RELCH: variants seen among roughly 807,000 people sequenced by gnomAD.
RELCH encodes the protein RAB11-binding protein RELCH.
In RELCH, 41 loss-of-function variants were observed where a neutral mutation model predicts 150.3. The ratio of observed to expected loss-of-function variants is 0.27; its 90% CI spans 0.21 to 0.35. The LOEUF (loss-of-function observed/expected upper bound fraction) is 0.35. RELCH is among the 10% of genes least tolerant of loss of function. The pLI is 1.00. For missense variants in RELCH, 1,092 were observed against 1,467.8 expected (o/e 0.74, Z 4.18); for synonymous variants, 478 against 531.8 (o/e 0.90, Z 1.39).
chr18:62,238,928 G>T (rs1397384175), intron 10 of RELCH, among the ~76,000 whole-genome samples: 1 of 152,056 alleles, frequency 6.6e-6, no homozygotes, highest in African/African-American at 2.4e-5. Flanking sequence ...TTTTAAAGTA[G>T]TTGGTACCTC....
chr18:62,190,568 C>G (rs1238101803), intron 1 of RELCH, among the ~76,000 whole-genome samples: 1 of 152,054 alleles, frequency 6.6e-6, no homozygotes, highest in African/African-American at 2.4e-5. Flanking sequence ...CAGAGCAAGA[C>G]TCCATCTCAA....
rs181701851 is a variant in RELCH at position 62,187,574 on chromosome 18, T to A, written c.69T>A (p.Asp23Glu). The A allele has an allele frequency of 2.7e-4, 412 of 1,523,278 alleles. No homozygotes were observed. The highest frequency in any genetic ancestry group is 7.6e-4 in the Admixed American group (34 of 45,006). 94.4% of individuals were successfully genotyped at this position (1,523,278 alleles called of 1,614,324 possible). A position where few individuals can be genotyped will look rare whatever the true frequency, so the allele number is the denominator to read the frequency against. ...TGAATCCATTTCTCAGTGATTCGGA[T>A]GAGGACGATGACGAGGTAGCTGCAA... ...GGVNPFLSDS[D>E]EDDDEVAATE... Residue 23 changes from aspartate (D) to glutamate (E), a missense_variant, in exon 1 of 29, where the codon GAT becomes GAA. Coordinates refer to ENST00000644646, the MANE Select transcript of RELCH (RefSeq NM_001346231.2).
chr18:62,297,561 G>C (rs1437417867), intron 27 of RELCH, among the ~76,000 whole-genome samples: 2 of 152,162 alleles, frequency 1.3e-5, no homozygotes, highest in African/African-American at 4.8e-5. Context: ...TGAGACAAGA[G>C]AGTGGGGAAG....
chr18:62,243,033 C>A (rs762431377), intron 10 of RELCH, among the ~76,000 whole-genome samples: 10 of 151,962 alleles, frequency 6.6e-5, no homozygotes, highest in Non-Finnish European at 1.3e-4. Flanking sequence ...ATTATTAGGG[C>A]TTTTCTTGGT....
chr18:62,258,613 A>T lies in RELCH; in HGVS notation c.2139A>T (p.Glu713Asp). Residue 713 changes from glutamate (E) to aspartate (D), a missense_variant, in exon 15 of 29, where the codon GAA becomes GAT. Coordinates refer to ENST00000644646, the MANE Select transcript of RELCH (RefSeq NM_001346231.2). ...CAGCTTACGCTGCGTGGACTACAGA[A>T]CTTGGAAATTTACAGTCTCATCTTA... ...FLPAYAAWTT[E>D]LGNLQSHLIL... The T allele has an allele frequency of 6.3e-7, 1 of 1,599,708 alleles. No individual in the cohort carries two copies. The highest frequency in any genetic ancestry group is 8.5e-7 in the Non-Finnish European group (1 of 1,175,860).
chr18:62,283,472 T>C (rs919149950), intron 25 of RELCH, among the ~76,000 whole-genome samples: 2 of 152,194 alleles, frequency 1.3e-5, no homozygotes, highest in South Asian at 2.1e-4. Context: ...TAGTTTCTAG[T>C]ACATTATTTT....
In RELCH at chr18:62,305,513, T is replaced by C; in HGVS notation, c.3630T>C (p.Asn1210=). The change falls in exon 29 of 29, where the codon AAT becomes AAC. Residue 1210 remains asparagine, a synonymous_variant. Transcript: ENST00000644646. This position sits in a 1 kb window ranked among gnomAD's most constrained non-coding sequence, Gnocchi z 4.0. ...QLTTSGAMLA[N]VFQRKK ...CAACATCAGGTGCCATGTTGGCCAATGTATTTCAGAGAAAGAAGTAGAAGC... is the reference window on the plus strand; with the variant it reads ...CAACATCAGGTGCCATGTTGGCCAACGTATTTCAGAGAAAGAAGTAGAAGC... 4 of 1,608,836 alleles carry C rather than the reference T, an allele frequency of 2.5e-6. No individual in the cohort carries two copies. The highest frequency in any genetic ancestry group is 3.4e-6 in the Non-Finnish European group (4 of 1,177,376).
intron 25 of RELCH, among the ~76,000 whole-genome samples, chr18:62,283,906 T>G (rs1001131458): frequency 2.0e-5 from 3 of 152,144 alleles, no homozygotes; most frequent in Non-Finnish European, 4.4e-5. Context: ...GGGTATTTGA[T>G]ATGTTGTCAT....
chr18:62,300,291 G>A (rs1452927476), intron 28 of RELCH: 1 of 152,104 alleles, frequency 6.6e-6, no homozygotes, highest in Non-Finnish European at 1.5e-5. Context: ...TTCTCCTCAG[G>A]TTTTTACACA....
intron 10 of RELCH, among the ~76,000 whole-genome samples, chr18:62,243,874 A>G (rs2042270917): frequency 6.6e-6 from 1 of 152,054 alleles, no homozygotes; most frequent in Admixed American, 6.6e-5. Context: ...GGGTGTAGTC[A>G]TTCTTCCCTT....
intron 26 of RELCH, among the ~76,000 whole-genome samples, chr18:62,291,022 G>A (rs1398586346): frequency 6.6e-6 from 1 of 152,100 alleles, no homozygotes; most frequent in Admixed American, 6.5e-5. Flanking sequence ...ATGATTTGCA[G>A]GTTAAAGTTC....
chr18:62,283,916 T>C (rs574410133), intron 25 of RELCH, among the ~76,000 whole-genome samples: 16 of 152,228 alleles, frequency 1.1e-4, no homozygotes, highest in Non-Finnish European at 1.6e-4. Context: ...TATGTTGTCA[T>C]GTTAAACGGG....
intron 5 of RELCH, among the ~76,000 whole-genome samples, chr18:62,222,935 G>GAA (rs1233293912): frequency 1.3e-5 from 2 of 151,926 alleles, no homozygotes; most frequent in African/African-American, 4.8e-5. Context: ...TGAACTGAGT[G>GAA]AAGATGAAAA....
chr18:62,287,353 G>A lies in RELCH; in HGVS notation c.3256G>A (p.Val1086Ile). 1 of 1,544,632 alleles carries A rather than the reference G, an allele frequency of 6.5e-7. No individual in the cohort carries two copies. Among genetic ancestry groups the A allele is most frequent in the Non-Finnish European group, 8.9e-7 (1 of 1,118,874 alleles). The change falls in exon 26 of 29, where the codon GTT becomes ATT. Residue 1086 changes from valine (V) to isoleucine (I), a missense_variant and splice_region_variant. Physicochemically the swap from Val to Ile is conservative, Grantham distance 29. This residue lies in a region of RELCH where 707 missense variants were observed against 1,025.4 expected (regional missense o/e 0.69). Transcript: ENST00000644646. ...NAEPRFRDEF[V>I]IPHLHKLALV... ...AACCCTTTTTTTTCTGTTTTCAGTTGTTATACCACATTTGCATAAGTTAGC... is the reference window on the plus strand; with the variant it reads ...AACCCTTTTTTTTCTGTTTTCAGTTATTATACCACATTTGCATAAGTTAGC...
intron 28 of RELCH, among the ~76,000 whole-genome samples, chr18:62,304,259 CT>C (rs2045789485): frequency 6.6e-6 from 1 of 152,176 alleles, no homozygotes; most frequent in Non-Finnish European, 1.5e-5. Flanking sequence ...GAGCCAAATA[CT>C]GAACCTTAGG....
Position 62,258,628 on chromosome 18 carries a change from G to A in RELCH, c.2154G>A (p.Gln718=), listed in dbSNP as rs2043103343. 1.3e-6 allele frequency: 2 copies of A among 1,598,526 alleles called. No individual in the cohort carries two copies. The highest frequency in any genetic ancestry group is 1.7e-6 in the Non-Finnish European group (2 of 1,175,400). Residue 718 remains glutamine, a synonymous_variant, in exon 15 of 29, where the codon CAG becomes CAA. Transcript: ENST00000644646. ...AAWTTELGNL[Q]SHLILTLLNK... ...GGACTACAGAACTTGGAAATTTACA[G>A]TCTCATCTTATACTTACACTACTGA...
intron 25 of RELCH, among the ~76,000 whole-genome samples, 160 bp downstream of exon 25, chr18:62,282,604 A>C (rs1341089936): frequency 6.6e-6 from 1 of 152,206 alleles, no homozygotes; most frequent in African/African-American, 2.4e-5. Context: ...TGAAAGCTAA[A>C]CATGAAACAA....
In RELCH at chr18:62,187,284, C is replaced by T. The variant is rs1245770024; in HGVS notation, c.-222C>T. 4 of 369,712 alleles carry T rather than the reference C, an allele frequency of 1.1e-5. No homozygotes were observed. Among genetic ancestry groups the T allele is most frequent in the Admixed American group, 4.4e-5 (1 of 22,590 alleles). The allele number at this position is 369,712 out of a possible 1,614,324, so 22.9% of individuals were successfully genotyped here. On this transcript the variant is annotated 5_prime_UTR_variant, in exon 1 of 29. In the 5' UTR this introduces an upstream ATG that the reference lacks. Coordinates refer to ENST00000644646, the MANE Select transcript of RELCH (RefSeq NM_001346231.2). Reference sequence around the variant, plus strand: ...CTCGCGAGACTGGAGACCAGGAAGACGCCTGCAGAGCCGGGCTGCTGGTGC... The same window carrying T: ...CTCGCGAGACTGGAGACCAGGAAGATGCCTGCAGAGCCGGGCTGCTGGTGC...
chr18:62,198,593 CCTTAGTTTAGGCTTTAGCTCA>C (rs1157470551), intron 1 of RELCH, among the ~76,000 whole-genome samples: 1 of 152,054 alleles, frequency 6.6e-6, no homozygotes, highest in African/African-American at 2.4e-5. Flanking sequence ...TTGTGAGCTC[CCTTAGTTTAGGCTTTAGCTCA>C]CATTTGTACC....
Sources: gnomAD v4.1 joint callset for allele counts (sites outside exome capture counted in the v4.1 genomes callset) on GRCh38, gnomAD v4.1.1 for gene constraint, gnomAD v4.1.1 regional missense constraint, Gnocchi (gnomAD v3.1) non-coding constraint, MANE v1.5 for transcripts, NCBI Gene and HGNC (gene_info 2026-07-23, HGNC 2026-07-21) for gene names.